RPA3: variants seen among roughly 807,000 people sequenced by gnomAD.
The protein encoded by RPA3 is replication protein A3.
A neutral mutation model predicts 13.7 loss-of-function variants in RPA3; 24 were observed. The ratio of observed to expected loss-of-function variants is 1.75; its 90% CI spans 1.27 to 2.46. The LOEUF is 2.46. RPA3 is among the 30% of genes most tolerant of loss of function. The probability of loss-of-function intolerance (pLI) is 0.00; values close to 1 mark genes in which losing one functional copy is unlikely to be tolerated. For missense variants in RPA3, 183 were observed against 151.0 expected, an observed-to-expected ratio of 1.21 and a Z score of -1.11; for synonymous variants, 59 against 51.2, an observed-to-expected ratio of 1.15 and a Z score of -0.65.
At chr7:7,691,026 C>G (rs1419380237) in intron 2 of RPA3, among the ~76,000 whole-genome samples, 3 of 152,160 alleles carry the variant, frequency 2.0e-5, no homozygotes, top group Non-Finnish European at 4.4e-5. Flanking sequence ...GCATGTAGAG[C>G]TCAGCATGGT....
At chr7:7,638,088 A>G in intron 6 of RPA3, 116 bp from the exon 7 acceptor site, 1 of 623,576 alleles carries the variant, frequency 1.6e-6, no homozygotes, top group Non-Finnish European at 2.7e-6. Context: ...AGTAATTTTA[A>G]GAATTACCAG....
chr7:7,643,333 C>G (rs891913530), intron 4 of RPA3, among the ~76,000 whole-genome samples: 1 of 152,222 alleles, frequency 6.6e-6, no homozygotes, highest in Admixed American at 6.5e-5. Flanking sequence ...CCTAAAAACA[C>G]TTCCCAAGGC....
chr7:7,654,869 A>T (rs1785304702), intron 4 of RPA3, among the ~76,000 whole-genome samples: 1 of 149,570 alleles, frequency 6.7e-6, no homozygotes, highest in Non-Finnish European at 1.5e-5. Context: ...TGCCCCTGTA[A>T]CCCAGCCTGA....
intron 4 of RPA3, among the ~76,000 whole-genome samples, chr7:7,646,480 A>ATTTTTTTTTTTTTTTTTTTT (rs35948027): frequency 9.0e-6 from 1 of 111,360 alleles, no homozygotes; most frequent in African/African-American, 3.6e-5. Flanking sequence ...CTTTCGCTGG[A>ATTTTTTTTTTTTTTTTTTTT]TTTTTTTTTT....
chr7:7,680,367 C>T (rs1294975784), intron 4 of RPA3, among the ~76,000 whole-genome samples: 1 of 152,020 alleles, frequency 6.6e-6, no homozygotes, highest in Admixed American at 6.6e-5. Context: ...GAATTTATTC[C>T]TGGGTTCTGT....
rs1001531058 is a variant in RPA3 at position 7,716,008 on chromosome 7, G to A, written c.-1079-782C>T. 1.1e-4 allele frequency among the ~76,000 whole-genome samples: 17 copies of A among 151,486 alleles called. No homozygotes were observed. In the East Asian group the frequency reaches 1.2e-3, roughly 10 times the overall value. On this transcript the variant is annotated intron_variant, in intron 1 of 7. Transcript: ENST00000223129. ...TGTTTTTAAGTATCTCAGACAAATC[G>A]AATAATTTTTTAAATTAGAAACTAA...
chr7:7,637,656 CAT>C (rs576244155), intron 7 of RPA3, among the ~76,000 whole-genome samples: 32 of 146,008 alleles, frequency 2.2e-4, no homozygotes, highest in Middle Eastern at 3.8e-3. Context: ...TATGTTAAAA[CAT>C]AGTTATATAA....
At chr7:7,665,800 T>C (rs1220209137) in intron 4 of RPA3, among the ~76,000 whole-genome samples, 1 of 152,114 alleles carries the variant, frequency 6.6e-6, no homozygotes, top group Non-Finnish European at 1.5e-5. Context: ...TGAACTTTTA[T>C]ATTGTCTGGC....
At chr7:7,704,478 G>C (rs1044997951) in intron 2 of RPA3, among the ~76,000 whole-genome samples, 1 of 151,584 alleles carries the variant, frequency 6.6e-6, no homozygotes, top group African/African-American at 2.4e-5. Context: ...CTTCTGGGCC[G>C]GGCGCGGTGG....
chr7:7,657,428 G>C (rs774058682), intron 4 of RPA3, among the ~76,000 whole-genome samples: 19 of 152,176 alleles, frequency 1.2e-4, no homozygotes, highest in Non-Finnish European at 2.2e-4. Flanking sequence ...TTTTCTTCTA[G>C]GGTTTTTATG....
At chr7:7,717,024 C>T (rs986537458) in intron 1 of RPA3, among the ~76,000 whole-genome samples, 1 of 151,760 alleles carries the variant, frequency 6.6e-6, no homozygotes, top group Non-Finnish European at 1.5e-5. Context: ...AGGGAGCTTT[C>T]CTCTTTCTTT....
rs150931695 is a variant in RPA3 at position 7,717,355 on chromosome 7, C to A, written c.-1080+1160G>T. On this transcript the variant is annotated intron_variant, in intron 1 of 7. Transcript: ENST00000223129. ...TACAGGCATAAGCCACCTCGCCCAG[C>A]CTCCTGTTTCTTTCATCTATTAAAA... Among the ~76,000 whole-genome samples the A allele has an allele frequency of 2.8e-4, 43 of 152,300 alleles. 1 individual carries two copies. The East Asian group carries it at 7.7e-3, about 27-fold the overall frequency.
chr7:7,677,474 T>C lies in RPA3; in HGVS notation c.-758+8356A>G, dbSNP rs139346289. ...TCCATGAGTTCAATTTGAAAAAAAC[T>C]GAGCTCCCTCATATGAGTGAGAAAA... On this transcript the variant is annotated intron_variant, in intron 4 of 7. Coordinates refer to ENST00000223129, the MANE Select transcript of RPA3 (RefSeq NM_002947.5). Among the ~76,000 whole-genome samples the C allele has an allele frequency of 5.0e-4, 76 of 152,184 alleles. 1 individual carries two copies. The highest frequency in any genetic ancestry group is 1.8e-3 in the African/African-American group (76 of 41,526).
chr7:7,670,777 A>C (rs1779586737), intron 4 of RPA3, among the ~76,000 whole-genome samples: 1 of 152,234 alleles, frequency 6.6e-6, no homozygotes, highest in African/African-American at 2.4e-5. Flanking sequence ...ATAATTGCCA[A>C]AACCACTCCC....
chr7:7,683,173 G>A (rs1206317578), intron 4 of RPA3, among the ~76,000 whole-genome samples: 2 of 152,074 alleles, frequency 1.3e-5, no homozygotes, highest in Non-Finnish European at 2.9e-5. Flanking sequence ...TTTTTTTCGG[G>A]GACTCAGTGG....
chr7:7,710,421 C>T (rs1050218809), intron 2 of RPA3, among the ~76,000 whole-genome samples: 1 of 152,216 alleles, frequency 6.6e-6, no homozygotes, highest in South Asian at 2.1e-4. Context: ...CATGAAGAGA[C>T]ATTTCACTGA....
At chr7:7,642,954 T>C (rs572989968) in intron 4 of RPA3, among the ~76,000 whole-genome samples, 1 of 152,230 alleles carries the variant, frequency 6.6e-6, no homozygotes, top group Non-Finnish European at 1.5e-5. Context: ...GTATGTATCT[T>C]CTGACTTCTT....
Position 7,677,350 on chromosome 7 carries a change from T to C in RPA3, c.-758+8480A>G, listed in dbSNP as rs535805058. ...ACCAAATACTAGATCTTATTCCTTC[T>C]ATCTAACTGTATTTTTGTACCCATC... On this transcript the variant is annotated intron_variant, in intron 4 of 7. Coordinates refer to ENST00000223129, the MANE Select transcript of RPA3 (RefSeq NM_002947.5). Among the ~76,000 whole-genome samples, 40 of 152,288 alleles carry C rather than the reference T, an allele frequency of 2.6e-4. 1 individual carries two copies. In the South Asian group the frequency reaches 6.2e-3, roughly 24 times the overall value.
chr7:7,648,936 A>G (rs1785158696), intron 4 of RPA3, among the ~76,000 whole-genome samples: 1 of 152,242 alleles, frequency 6.6e-6, no homozygotes, highest in Non-Finnish European at 1.5e-5. Flanking sequence ...AGGTGGGTGG[A>G]TCACCTGAGG....
Sources: allele counts gnomAD v4.1 joint callset (sites outside exome capture counted in the v4.1 genomes callset), GRCh38; gene constraint gnomAD v4.1.1; transcripts MANE v1.5; gene names NCBI Gene and HGNC (gene_info 2026-07-23, HGNC 2026-07-21).